Variants in UNC5D observed in about 807,000 individuals in gnomAD.
UNC5D encodes netrin receptor UNC5D.
Under a neutral mutation model 105.4 loss-of-function variants are expected in UNC5D, and 39 were observed. That is an observed-to-expected ratio of 0.37 (90% CI 0.29 to 0.48). The LOEUF (loss-of-function observed/expected upper bound fraction) is 0.48, where lower values mean the gene tolerates loss of function less well. UNC5D is among the 20% of genes least tolerant of loss of function. The pLI is 0.98. For synonymous variants in UNC5D, 452 were observed against 450.4 expected (o/e 1.00, Z -0.04); for missense variants, 991 against 1,202.4 (o/e 0.82, Z 2.60).
intron 1 of UNC5D, among the ~76,000 whole-genome samples, chr8:35,424,150 G>A (rs1164329651): frequency 6.6e-6 from 1 of 152,064 alleles, no homozygotes; most frequent in Non-Finnish European, 1.5e-5. Context: ...CTGCTGAATT[G>A]TTGTATGGGT....
chr8:35,269,559 A>G (rs571358154), intron 1 of UNC5D, among the ~76,000 whole-genome samples: 2 of 152,260 alleles, frequency 1.3e-5, no homozygotes, highest in South Asian at 4.1e-4. Context: ...TTTCTCGTTT[A>G]TCTTTCCCAG....
intron 1 of UNC5D, among the ~76,000 whole-genome samples, chr8:35,536,391 C>T (rs1450603591): frequency 6.6e-6 from 1 of 152,192 alleles, no homozygotes; most frequent in Non-Finnish European, 1.5e-5. Flanking sequence ...ATCCTCATAT[C>T]AATGTCTTAG....
At chr8:35,776,475 T>C (rs1802249836) in intron 16 of UNC5D, among the ~76,000 whole-genome samples, 1 of 152,168 alleles carries the variant, frequency 6.6e-6, no homozygotes, top group South Asian at 2.1e-4. Flanking sequence ...CCTTGCACGG[T>C]AGGGAAAATG....
At chr8:35,728,651 G>T (rs1388843263) in intron 10 of UNC5D, among the ~76,000 whole-genome samples, 1 of 152,150 alleles carries the variant, frequency 6.6e-6, no homozygotes. Flanking sequence ...AAAGTATAAA[G>T]AAAGCAAGGC....
At position 35,490,739 on chromosome 8, in the gene UNC5D, T is replaced by C. The variant is rs554194782; in HGVS notation, c.104-58553T>C. Among the ~76,000 whole-genome samples the C allele has an allele frequency of 8.5e-5, 13 of 152,262 alleles. No individual in the cohort carries two copies. In the East Asian group the frequency reaches 2.5e-3, roughly 29 times the overall value. On this transcript the variant is annotated intron_variant, in intron 1 of 16. Transcript: ENST00000404895. ...AGAGGCTTCATCTTAAACATTACTA[T>C]TTTACAAGCCTCTGGAAGAGCCAGT...
intron 3 of UNC5D, among the ~76,000 whole-genome samples, chr8:35,579,099 C>T (rs1255538275): frequency 6.6e-6 from 1 of 152,166 alleles, no homozygotes; most frequent in East Asian, 1.9e-4. Context: ...TTCAATTCAA[C>T]TCTCATTTTC....
intron 7 of UNC5D, among the ~76,000 whole-genome samples, chr8:35,691,399 A>G (rs1826378458): frequency 6.6e-6 from 1 of 152,154 alleles, no homozygotes; most frequent in Admixed American, 6.5e-5. Flanking sequence ...AGGCAGAAGG[A>G]TCACTTGAGC....
At chr8:35,563,362 G>GT (rs1817100097) in intron 2 of UNC5D, among the ~76,000 whole-genome samples, 1 of 121,926 alleles carries the variant, frequency 8.2e-6, no homozygotes, top group Non-Finnish European at 1.7e-5. Flanking sequence ...TTTGTGGGGG[G>GT]TGGGGGGGTG....
intron 1 of UNC5D, among the ~76,000 whole-genome samples, chr8:35,331,465 A>G (rs1041034049): frequency 2.6e-5 from 4 of 152,126 alleles, no homozygotes; most frequent in African/African-American, 9.7e-5. Context: ...CTGAAAACCA[A>G]AGGAGGAGGC....
chr8:35,421,103 G>A (rs1490728542), intron 1 of UNC5D, among the ~76,000 whole-genome samples: 1 of 152,046 alleles, frequency 6.6e-6, no homozygotes, highest in Admixed American at 6.5e-5. Flanking sequence ...TACCTCTTCT[G>A]TGCCCATATC....
intron 1 of UNC5D, among the ~76,000 whole-genome samples, chr8:35,527,555 T>G (rs1194508608): frequency 2.0e-5 from 3 of 152,062 alleles, no homozygotes; most frequent in Admixed American, 2.0e-4. Context: ...TGTTTTCTTT[T>G]TTTTTCTTTT....
intron 1 of UNC5D, among the ~76,000 whole-genome samples, chr8:35,532,979 G>C (rs1355466755): frequency 1.4e-5 from 2 of 140,552 alleles, no homozygotes; most frequent in East Asian, 4.1e-4. Flanking sequence ...CAACTTCTTT[G>C]CCTTTGGTTT....
chr8:35,284,032 T>G (rs189903951), intron 1 of UNC5D, among the ~76,000 whole-genome samples: 3 of 152,208 alleles, frequency 2.0e-5, no homozygotes, highest in African/African-American at 7.2e-5. Context: ...AATGGATTCA[T>G]TTTAAATTGC....
rs1277928871 is a variant in UNC5D, at chr8:35,794,088, GATA to G, written c.*3529_*3531del. ...GATTAAAATAGGATAATTGGTTTTA[GATA>G]ATATCTTCTACTGCCAAACTTCTGG... is the stretch of plus-strand genomic sequence containing the variant. On this transcript the variant is annotated 3_prime_UTR_variant, in exon 17 of 17. Coordinates refer to ENST00000404895, the MANE Select transcript of UNC5D (RefSeq NM_080872.4). 3 of 152,114 alleles carry G rather than the reference GATA, an allele frequency of 2.0e-5. No individual in the cohort carries two copies. Among genetic ancestry groups the G allele is most frequent in the African/African-American group, 7.2e-5 (3 of 41,414 alleles). 9.4% of individuals were successfully genotyped at this position (152,114 alleles called of 1,614,324 possible). A position where few individuals can be genotyped will look rare whatever the true frequency, so the allele number is the denominator to read the frequency against.
At chr8:35,744,049 C>A (rs1453963496) in intron 11 of UNC5D, among the ~76,000 whole-genome samples, 8 of 151,468 alleles carry the variant, frequency 5.3e-5, no homozygotes, top group African/African-American at 1.9e-4. Flanking sequence ...CTGCTTTCAT[C>A]TGGAACCATT....
Position 35,748,646 on chromosome 8 carries a change from A to T in UNC5D, c.1886A>T (p.Glu629Val). Residue 629 changes from glutamate (E) to valine (V), a missense_variant, in exon 12 of 17, where the codon GAG becomes GTG. Glu to Val is a moderately radical substitution (Grantham distance 121). Around this residue, in one of 3 missense-constraint regions of UNC5D, gnomAD observed 944 missense variants for 1,131.6 expected, o/e 0.83. Transcript: ENST00000404895. ...CCGCACTGTGCAGATGTCAGTTCTG[A>T]GCATTGGAATATCCATTTAAAGAAG... ...TIPHCADVSS[E>V]HWNIHLKKRT... The T allele has an allele frequency of 6.2e-7, 1 of 1,613,988 alleles. No individual in the cohort carries two copies. The highest frequency in any genetic ancestry group is 8.5e-7 in the Non-Finnish European group (1 of 1,179,908).
At position 35,722,260 on chromosome 8, in the gene UNC5D, G is replaced by A. The variant is rs144971419; in HGVS notation, c.1168G>A (p.Val390Ile). Residue 390 changes from valine to isoleucine, a missense_variant, in exon 9 of 17, where the codon GTC (valine) becomes ATC (isoleucine). By Grantham distance (29) the Val-to-Ile change is conservative. Coordinates refer to ENST00000404895, the MANE Select transcript of UNC5D (RefSeq NM_080872.4). ...IALYSGLGAAVVAVAVLVIGV... is the reference protein window; with the variant it reads ...IALYSGLGAAIVAVAVLVIGV... ...TTTGTACTCGGGCTTGGGTGCTGCCGTCGTGGCCGTTGCAGTCCTGGTCAT... is the reference window on the plus strand; with the variant it reads ...TTTGTACTCGGGCTTGGGTGCTGCCATCGTGGCCGTTGCAGTCCTGGTCAT... The A allele has an allele frequency of 6.5e-4, 1,054 of 1,614,132 alleles. 19 individuals are homozygous for A. The South Asian group carries it at 8.0e-3, about 12-fold the overall frequency.
intron 5 of UNC5D, 44 bp downstream of exon 5, chr8:35,683,771 A>C (rs764328053): frequency 7.0e-7 from 1 of 1,434,400 alleles, no homozygotes; most frequent in Admixed American, 2.9e-5. Flanking sequence ...GAGGGCAGAA[A>C]GAGGTAGAGG....
chr8:35,275,186 C>T (rs1805692765), intron 1 of UNC5D, among the ~76,000 whole-genome samples: 1 of 151,648 alleles, frequency 6.6e-6, no homozygotes, highest in Admixed American at 6.6e-5. Flanking sequence ...CTGCACTCTT[C>T]CCCTTTCACT....
Sources: allele counts gnomAD v4.1 joint callset (sites outside exome capture counted in the v4.1 genomes callset), GRCh38; gene constraint gnomAD v4.1.1; regional missense constraint gnomAD v4.1.1; transcripts MANE v1.5; gene names NCBI Gene and HGNC (gene_info 2026-07-23, HGNC 2026-07-21).